DICER1: variants seen among roughly 807,000 people sequenced by gnomAD.
DICER1 encodes endoribonuclease Dicer.
In DICER1, 43 loss-of-function variants were observed where a neutral mutation model predicts 194.1. The observed-to-expected ratio is 0.22, with a 90% CI of 0.17 to 0.29. The LOEUF (loss-of-function observed/expected upper bound fraction) is 0.29. DICER1 is among the 10% of genes least tolerant of loss of function. The pLI, the probability that DICER1 is intolerant of heterozygous loss-of-function variation, is 1.00. For synonymous variants in DICER1, 832 were observed against 820.5 expected (o/e 1.01, Z -0.24); for missense variants, 1,608 against 2,317.0 (o/e 0.69, Z 6.28).
intron 14 of DICER1, 120 bp downstream of exon 14, chr14:95,111,197 C>G: frequency 8.9e-7 from 1 of 1,117,370 alleles, no homozygotes; most frequent in East Asian, 2.4e-5. Context: ...GAGCTGAGAT[C>G]CAGAGTGGGC....
chr14:95,106,308 A>G (rs1292152114), intron 17 of DICER1, 85 bp from the exon 18 acceptor site: 1 of 1,016,882 alleles, frequency 9.8e-7, no homozygotes, highest in African/African-American at 1.6e-5. Context: ...TAGTATGGAA[A>G]TGATGATTAA....
intron 23 of DICER1, among the ~76,000 whole-genome samples, chr14:95,094,993 C>T (rs1890180983): frequency 6.6e-6 from 1 of 152,196 alleles, no homozygotes; most frequent in African/African-American, 2.4e-5. Context: ...CATTTTTCCT[C>T]CATAACGAAA....
At position 95,107,917 on chromosome 14, in the gene DICER1, G is replaced by C. The variant is rs759827733; in HGVS notation, c.2613C>G (p.Asp871Glu). The C allele has an allele frequency of 6.2e-7, 1 of 1,614,000 alleles. No homozygotes were observed. Among genetic ancestry groups the C allele is most frequent in the East Asian group, 2.2e-5 (1 of 44,854 alleles). Reference protein sequence around the residue: ...EKPALEFKPTDADSAYCVLPL... With the variant: ...EKPALEFKPTEADSAYCVLPL... ...GTAGAACACAGTATGCTGAATCAGC[G>C]TCTGTAGGTTTAAATTCTAGTGCAG... The change falls in exon 16 of 27, where the codon GAC (aspartate) becomes GAG (glutamate). Residue 871 changes from aspartate to glutamate, a missense_variant. This residue lies in a region of DICER1 where 150 missense variants were observed against 216.0 expected (regional missense o/e 0.69). Coordinates refer to ENST00000343455, the MANE Select transcript of DICER1 (RefSeq NM_177438.3).
Position 95,089,439 on chromosome 14 carries a change from CCAAT to C in DICER1, c.*1055_*1058del, listed in dbSNP as rs1889599039. The C allele has an allele frequency of 4.3e-6, 1 of 232,612 alleles. No individual in the cohort carries two copies. The highest frequency in any genetic ancestry group is 6.1e-5 in the East Asian group (1 of 16,448). 14.4% of individuals were successfully genotyped at this position (232,612 alleles called of 1,614,324 possible). A position where few individuals can be genotyped will look rare whatever the true frequency, so the allele number is the denominator to read the frequency against. ...TGTGTTTTGCTTCTTAAATAAGTAA[CCAAT>C]CAATTATAAAATCTGCAGCATATTT... On this transcript the variant is annotated 3_prime_UTR_variant, in exon 27 of 27. Coordinates refer to ENST00000343455, the MANE Select transcript of DICER1 (RefSeq NM_177438.3).
chr14:95,137,460 G>A (rs144135916), intron 1 of DICER1, among the ~76,000 whole-genome samples: 2,414 of 128,842 alleles, frequency 0.019, 29 homozygotes, highest in South Asian at 0.037. Flanking sequence ...GAAAGGGAAA[G>A]AAAAAGGGGA....
chr14:95,123,136 T>C (rs997120543), intron 8 of DICER1, among the ~76,000 whole-genome samples: 3 of 151,892 alleles, frequency 2.0e-5, no homozygotes, highest in Non-Finnish European at 1.5e-5. Context: ...CAGAAAAAAA[T>C]AAGAGTATCT....
intron 7 of DICER1, among the ~76,000 whole-genome samples, chr14:95,125,171 T>C (rs2140213655): frequency 6.6e-6 from 1 of 152,274 alleles, no homozygotes; most frequent in South Asian, 2.1e-4. Flanking sequence ...GGTGAGACTG[T>C]TGTAAAAACA....
At position 95,087,313 on chromosome 14, in the gene DICER1, C is replaced by A. The variant is rs189898328; in HGVS notation, c.*3185G>T. 2.5e-3 allele frequency: 575 copies of A among 233,186 alleles called. 3 individuals are homozygous for A. Among genetic ancestry groups the A allele is most frequent in the Non-Finnish European group, 4.2e-3 (493 of 117,826 alleles). 14.4% of individuals were successfully genotyped at this position (233,186 alleles called of 1,614,324 possible). A position where few individuals can be genotyped will look rare whatever the true frequency, so the allele number is the denominator to read the frequency against. Reference sequence around the variant, plus strand: ...GAGTGTTAGAGGTCATTCTAAATTTCATCACTTCACGTAATATAAAAGAAA... The same window carrying A: ...GAGTGTTAGAGGTCATTCTAAATTTAATCACTTCACGTAATATAAAAGAAA... On this transcript the variant is annotated 3_prime_UTR_variant, in exon 27 of 27. Transcript: ENST00000343455.
At chr14:95,127,677 T>G (rs1287163880) in intron 6 of DICER1, among the ~76,000 whole-genome samples, 4 of 152,254 alleles carry the variant, frequency 2.6e-5, no homozygotes, top group Non-Finnish European at 4.4e-5. Context: ...AGGTTTCAGA[T>G]TTTGGAGCAT....
intron 1 of DICER1, among the ~76,000 whole-genome samples, chr14:95,155,017 T>C (rs1895752667): frequency 6.6e-6 from 1 of 152,216 alleles, no homozygotes; most frequent in Admixed American, 6.5e-5. Context: ...GGAACAGTAA[T>C]GCAATACAAA....
At chr14:95,144,681 T>C (rs138878193) in intron 1 of DICER1, among the ~76,000 whole-genome samples, 1 of 152,192 alleles carries the variant, frequency 6.6e-6, no homozygotes, top group African/African-American at 2.4e-5. Flanking sequence ...TAGAAGATTT[T>C]ATACAGAATT....
rs755725871 is a variant in DICER1 at position 95,108,513 on chromosome 14, G to A, written c.2257-10C>T. ...TCAAACACTCTGGAATCTAGAGTTG[G>A]AAAGGAAAATTAAGCGTCATGCTCA... On this transcript the variant is annotated splice_polypyrimidine_tract_variant and intron_variant, in intron 14 of 26. Coordinates refer to ENST00000343455, the MANE Select transcript of DICER1 (RefSeq NM_177438.3). 1 of 1,613,164 alleles carries A rather than the reference G, an allele frequency of 6.2e-7. No homozygotes were observed. The highest frequency in any genetic ancestry group is 8.5e-7 in the Non-Finnish European group (1 of 1,179,114).
chr14:95,099,152 T>C (rs948416553), intron 22 of DICER1, among the ~76,000 whole-genome samples: 12 of 152,194 alleles, frequency 7.9e-5, no homozygotes, highest in Non-Finnish European at 1.8e-4. Context: ...ACCACTGCGC[T>C]GGTTCCTGCA....
rs758904603 is a variant in DICER1 at position 95,095,985 on chromosome 14, T to C, written c.4935A>G (p.Pro1645=). 2 of 1,614,242 alleles carry C rather than the reference T, an allele frequency of 1.2e-6. No homozygotes were observed. The highest frequency in any genetic ancestry group is 8.5e-7 in the Non-Finnish European group (1 of 1,180,040). The change falls in exon 23 of 27, where the codon CCA becomes CCG. Residue 1645 remains proline, a synonymous_variant. Coordinates refer to ENST00000343455, the MANE Select transcript of DICER1 (RefSeq NM_177438.3). ...KDSEYGCLKI[P]PRCMFDHPDA... is the part of the protein sequence containing the mutation. ...CTGGATGATCAAACATACATCTTGG[T>C]GGAATCTTCAAACAACCATATTCCG... is the stretch of plus-strand genomic sequence containing the variant.
rs1279911689 is a variant in DICER1, at chr14:95,142,676, G to A, written c.-45-9173C>T. On this transcript the variant is annotated intron_variant, in intron 1 of 26. Coordinates refer to ENST00000343455, the MANE Select transcript of DICER1 (RefSeq NM_177438.3). ...TATACTGGTAATTCAAAGCTAATAG[G>A]TCATTTTCTCATTTTAATTGATCAC... Among the ~76,000 whole-genome samples, 3 of 152,058 alleles carry A rather than the reference G, an allele frequency of 2.0e-5. No homozygotes were observed. In the East Asian group the frequency reaches 5.8e-4, roughly 29 times the overall value.
chr14:95,147,106 T>A (rs1178977641), intron 1 of DICER1, among the ~76,000 whole-genome samples: 1 of 152,210 alleles, frequency 6.6e-6, no homozygotes, highest in Non-Finnish European at 1.5e-5. Flanking sequence ...GAAAACAAAC[T>A]TTCAAACTGT....
chr14:95,157,136 C>A (rs1035153236), intron 1 of DICER1, 94 bp downstream of exon 1: 1 of 150,034 alleles, frequency 6.7e-6, no homozygotes, highest in Non-Finnish European at 1.5e-5. Context: ...GGGGCCATGG[C>A]CGGCACGCGG....
chr14:95,131,419 A>G (rs1893937871), intron 4 of DICER1, 90 bp downstream of exon 4: 1 of 1,301,780 alleles, frequency 7.7e-7, no homozygotes, highest in African/African-American at 1.5e-5. Flanking sequence ...TTTCAAACCT[A>G]AATCAGACAA....
intron 8 of DICER1, among the ~76,000 whole-genome samples, chr14:95,121,626 A>G (rs986061354): frequency 6.6e-6 from 1 of 152,196 alleles, no homozygotes; most frequent in African/African-American, 2.4e-5. Flanking sequence ...CTAGTATATT[A>G]CACGGTGAAA....
Sources: allele counts gnomAD v4.1 joint callset (sites outside exome capture counted in the v4.1 genomes callset), GRCh38; gene constraint gnomAD v4.1.1; regional missense constraint gnomAD v4.1.1; transcripts MANE v1.5; gene names NCBI Gene and HGNC (gene_info 2026-07-23, HGNC 2026-07-21).